The following WDPCP variants were observed in gnomAD, a reference collection of about 807,000 sequenced individuals.
The protein encoded by WDPCP is WD repeat containing planar cell polarity effector.
Under a neutral mutation model 93.1 loss-of-function variants are expected in WDPCP, and 71 were observed. The observed-to-expected ratio is 0.76, with a 90% CI of 0.63 to 0.93. WDPCP has a LOEUF of 0.93. Among genes scored for constraint, WDPCP ranks in the 40% least tolerant of loss-of-function variants. The pLI is 0.00. For synonymous variants in WDPCP, 315 were observed against 315.0 expected (o/e 1.00, Z 0.00); for missense variants, 844 against 887.4 (o/e 0.95, Z 0.62).
intron 1 of WDPCP, among the ~76,000 whole-genome samples, chr2:63,583,582 G>A (rs1476268684): frequency 6.6e-6 from 1 of 151,854 alleles, no homozygotes; most frequent in Non-Finnish European, 1.5e-5. Context: ...TCAGGAGGCT[G>A]AGGCAGAAGA....
intron 14 of WDPCP, among the ~76,000 whole-genome samples, chr2:63,248,913 GT>G (rs889187088): frequency 9.8e-4 from 141 of 143,950 alleles, no homozygotes; most frequent in African/African-American, 2.5e-3. Flanking sequence ...GTTCTTATGT[GT>G]TTTTTTTTTA....
chr2:63,641,917 A>G (rs1026243336), intron 3 of WDPCP, among the ~76,000 whole-genome samples: 4 of 152,274 alleles, frequency 2.6e-5, no homozygotes, highest in South Asian at 2.1e-4. Context: ...GTAGATTCAT[A>G]GTTTCAGATC....
intron 14 of WDPCP, among the ~76,000 whole-genome samples, chr2:63,224,256 G>A (rs1392925597): frequency 3.3e-5 from 5 of 151,848 alleles, no homozygotes; most frequent in African/African-American, 4.8e-5. Flanking sequence ...CATAAAATGC[G>A]GTGGAACAAC....
upstream of WDPCP, among the ~76,000 whole-genome samples, chr2:63,831,604 G>A (rs917838251): frequency 3.3e-5 from 5 of 151,406 alleles, no homozygotes; most frequent in East Asian, 1.9e-4. Context: ...TTGTATCCTC[G>A]TTTTTAAACA....
intron 3 of WDPCP, among the ~76,000 whole-genome samples, chr2:63,609,616 G>T (rs1448548209): frequency 6.6e-6 from 1 of 152,206 alleles, no homozygotes; most frequent in Non-Finnish European, 1.5e-5. Flanking sequence ...TTGGCTGGGT[G>T]CAGTGACTCA....
chr2:63,714,289 A>G (rs1669303629), intron 2 of WDPCP, among the ~76,000 whole-genome samples: 1 of 151,834 alleles, frequency 6.6e-6, no homozygotes, highest in African/African-American at 2.4e-5. Flanking sequence ...GCTGGTCTCG[A>G]ACTCCTGACC....
intron 2 of WDPCP, among the ~76,000 whole-genome samples, chr2:63,782,658 T>A (rs973320735): frequency 2.6e-4 from 40 of 151,886 alleles, no homozygotes; most frequent in African/African-American, 9.4e-4. Context: ...ATTATATTAT[T>A]AAAAAGACAA....
At chr2:63,661,999 G>A (rs1248348394) in intron 2 of WDPCP, among the ~76,000 whole-genome samples, 1 of 152,198 alleles carries the variant, frequency 6.6e-6, no homozygotes, top group Admixed American at 6.5e-5. Context: ...GGAGAACTTA[G>A]AGACAAGGTA....
intron 2 of WDPCP, among the ~76,000 whole-genome samples, chr2:63,768,474 T>C (rs1343749717): frequency 6.6e-6 from 1 of 152,020 alleles, no homozygotes; most frequent in African/African-American, 2.4e-5. Flanking sequence ...TAGATGAAAT[T>C]GGGGATAATT....
intron 9 of WDPCP, among the ~76,000 whole-genome samples, chr2:63,418,743 A>T (rs1466780991): frequency 6.6e-6 from 1 of 152,254 alleles, no homozygotes; most frequent in Non-Finnish European, 1.5e-5. Flanking sequence ...AGATAATTAA[A>T]GGAAGAAGAA....
intron 3 of WDPCP, chr2:63,622,908 A>T: frequency 5.6e-6 from 7 of 1,259,230 alleles, no homozygotes; most frequent in Non-Finnish European, 6.7e-6. Flanking sequence ...GGGCCGGGCC[A>T]GGCCGGGGCT....
chr2:63,477,951 C>T (rs928399112), intron 6 of WDPCP: 1 of 152,058 alleles, frequency 6.6e-6, no homozygotes, highest in African/African-American at 2.4e-5. Flanking sequence ...GAAGGGCTCC[C>T]TGGGAAGAGA....
At chr2:63,506,343 A>C (rs1558727165) in intron 1 of WDPCP, among the ~76,000 whole-genome samples, 1 of 152,072 alleles carries the variant, frequency 6.6e-6, no homozygotes, top group Non-Finnish European at 1.5e-5. Context: ...CAACATATAC[A>C]AAGTCCTACA....
intron 2 of WDPCP, among the ~76,000 whole-genome samples, chr2:63,812,489 C>G (rs573148086): frequency 6.6e-6 from 1 of 152,334 alleles, no homozygotes; most frequent in East Asian, 1.9e-4. Context: ...AATCTCCAGA[C>G]TGCTTTCCAC....
At chr2:63,294,783 G>A (rs766423809) in intron 13 of WDPCP, among the ~76,000 whole-genome samples, 3 of 151,896 alleles carry the variant, frequency 2.0e-5, no homozygotes, top group Non-Finnish European at 2.9e-5. Flanking sequence ...ATAAAAGCTA[G>A]CATTATTGTA....
intron 6 of WDPCP, among the ~76,000 whole-genome samples, chr2:63,472,463 T>C (rs1699751122): frequency 6.6e-6 from 1 of 152,150 alleles, no homozygotes; most frequent in African/African-American, 2.4e-5. Context: ...TCATGTCCCT[T>C]TGTCATTCTG....
intron 12 of WDPCP, among the ~76,000 whole-genome samples, chr2:63,350,983 T>TTAA (rs1220927851): frequency 9.3e-5 from 14 of 150,602 alleles, no homozygotes; most frequent in African/African-American, 3.4e-4. Context: ...TTATTTATTA[T>TTAA]TATTATTATT....
At chr2:63,710,141 C>A (rs1024285448) in intron 2 of WDPCP, among the ~76,000 whole-genome samples, 9 of 152,202 alleles carry the variant, frequency 5.9e-5, no homozygotes, top group Non-Finnish European at 1.0e-4. Flanking sequence ...CTACACTGAC[C>A]ACATCAACAA....
intron 12 of WDPCP, among the ~76,000 whole-genome samples, chr2:63,325,097 G>T (rs4671483): frequency 0.8 from 121,781 of 152,056 alleles, 49,638 homozygotes; most frequent in East Asian, 0.96. Flanking sequence ...GCAACCTCGG[G>T]GTTCTATAAT....
Sources: gnomAD v4.1 joint callset for allele counts (sites outside exome capture counted in the v4.1 genomes callset) on GRCh38, gnomAD v4.1.1 for gene constraint, MANE v1.5 for transcripts, NCBI Gene and HGNC (gene_info 2026-07-23, HGNC 2026-07-21) for gene names.